APLP1: variants seen among roughly 807,000 people sequenced by gnomAD.
APLP1 encodes the protein amyloid beta precursor like protein 1, also known as amyloid beta (A4) precursor-like protein 1.
APLP1 carries 46 observed loss-of-function variants against 84.5 expected under a neutral mutation model. The observed-to-expected ratio is 0.54, with a 90% CI of 0.43 to 0.70. APLP1 has a LOEUF of 0.70. APLP1 is among the 30% of genes least tolerant of loss of function. The probability of loss-of-function intolerance (pLI) is 0.00; values close to 1 mark genes in which losing one functional copy is unlikely to be tolerated. For synonymous variants in APLP1, 376 were observed against 364.0 expected, an observed-to-expected ratio of 1.03 and a Z score of -0.38; for missense variants, 826 against 900.2, an observed-to-expected ratio of 0.92 and a Z score of 1.05.
chr19:35,876,308 T>C (rs1458559282), intron 10 of APLP1, among the ~76,000 whole-genome samples: 1 of 152,204 alleles, frequency 6.6e-6, no homozygotes, highest in Non-Finnish European at 1.5e-5. Context: ...GTCTCTGGAA[T>C]CCCCTCAAAC....
Position 35,879,193 on chromosome 19 carries a change from G to T in APLP1, c.1833G>T (p.Gly611=), listed in dbSNP as rs148829251. The T allele has an allele frequency of 2.0e-4, 325 of 1,612,906 alleles. No individual in the cohort carries two copies. The highest frequency in any genetic ancestry group is 2.7e-4 in the Non-Finnish European group (315 of 1,179,966). Residue 611 remains glycine (G), a synonymous_variant, in exon 16 of 17, where the codon GGG becomes GGT. Transcript: ENST00000221891. Reference sequence around the variant, plus strand: ...TCCTGCGCAGGAAGAAGCCCTACGGGGCTATCAGCCATGGCGTGGTGGAGG... The same window carrying T: ...TCCTGCGCAGGAAGAAGCCCTACGGTGCTATCAGCCATGGCGTGGTGGAGG... ...MLLLRRKKPY[G]AISHGVVEVD...
intron 11 of APLP1, among the ~76,000 whole-genome samples, chr19:35,876,975 T>A (rs970210354): frequency 6.6e-6 from 1 of 152,210 alleles, no homozygotes; most frequent in African/African-American, 2.4e-5. Context: ...CTAGATTCCC[T>A]ACATGGTGGT....
At chr19:35,875,740 C>T (rs552989648) in intron 10 of APLP1, among the ~76,000 whole-genome samples, 41 of 152,152 alleles carry the variant, frequency 2.7e-4, no homozygotes, top group Admixed American at 4.6e-4. Context: ...GGATTACAGG[C>T]GTGAGCCACC....
intron 12 of APLP1, 44 bp downstream of exon 12, chr19:35,877,869 G>A (rs1425146994): frequency 6.6e-7 from 1 of 1,514,006 alleles, no homozygotes; most frequent in Non-Finnish European, 9.0e-7. Context: ...TTAGGGAACA[G>A]GCCCCAGCCT....
chr19:35,868,862 G>GA lies in APLP1; in HGVS notation c.147+79_147+80insA, dbSNP rs1568472575. On this transcript the variant is annotated intron_variant, in intron 1 of 16. Transcript: ENST00000221891. This position sits in a 1 kb window ranked among gnomAD's most constrained non-coding sequence, Gnocchi z 5.2. ...GGACGCCGGCGCGGACATGTCCAGG[G>GA]CAGAAAGCGCGGTCTTTCCAGCCAG... 8.3e-6 allele frequency: 10 copies of GA among 1,211,562 alleles called. No homozygotes were observed. Among genetic ancestry groups the GA allele is most frequent in the Non-Finnish European group, 1.0e-5 (10 of 958,998 alleles). 75.1% of individuals were successfully genotyped at this position (1,211,562 alleles called of 1,614,324 possible).
At chr19:35,870,127 A>C in intron 2 of APLP1, 1 of 356,444 alleles carries the variant, frequency 2.8e-6, no homozygotes, top group Non-Finnish European at 5.1e-6. Flanking sequence ...AAGATGGGGA[A>C]AGGGGTGGAG....
At chr19:35,872,953 G>C (rs538657866) in intron 7 of APLP1, among the ~76,000 whole-genome samples, 2 of 151,450 alleles carry the variant, frequency 1.3e-5, no homozygotes, top group African/African-American at 4.9e-5. Flanking sequence ...TCTGCCTCCC[G>C]GGCTCCAGCG....
intron 1 of APLP1, 80 bp from the exon 2 acceptor site, chr19:35,869,587 C>T (rs1427190253): frequency 1.3e-6 from 2 of 1,559,068 alleles, no homozygotes; most frequent in African/African-American, 1.4e-5. Flanking sequence ...CTGGGGGTCT[C>T]GGTCCTAGGG....
intron 2 of APLP1, 154 bp from the exon 3 acceptor site, chr19:35,870,742 C>T: frequency 9.2e-7 from 1 of 1,086,452 alleles, no homozygotes; most frequent in Non-Finnish European, 1.3e-6. Context: ...CGAGATTGTA[C>T]CATTCCACTC....
chr19:35,870,751 T>C (rs1035831107), intron 2 of APLP1, 145 bp from the exon 3 acceptor site: 2 of 1,212,434 alleles, frequency 1.6e-6, no homozygotes, highest in South Asian at 1.6e-5. Context: ...ACCATTCCAC[T>C]CCAGCCTGGG....
rs191123343 is a variant in APLP1, at chr19:35,872,160, C to A, written c.850+124C>A. On this transcript the variant is annotated intron_variant, in intron 6 of 16. Coordinates refer to ENST00000221891, the MANE Select transcript of APLP1 (RefSeq NM_001024807.3). ...GAAAGGCCCAACTGAGGAGAAAAGA[C>A]GAGAGTATCTTTGGATAAAATAGAA... 4 of 1,232,936 alleles carry A rather than the reference C, an allele frequency of 3.2e-6. No homozygotes were observed. The Admixed American group carries it at 7.4e-5, about 23-fold the overall frequency. The allele number at this position is 1,232,936 out of a possible 1,614,324, so 76.4% of individuals were successfully genotyped here. A position where few individuals can be genotyped will look rare whatever the true frequency, so the allele number is the denominator to read the frequency against.
chr19:35,877,934 A>G, intron 12 of APLP1, 109 bp downstream of exon 12: 1 of 1,271,486 alleles, frequency 7.9e-7, no homozygotes, highest in Non-Finnish European at 1.1e-6. Context: ...TGACTGGGAG[A>G]GGATGAGGAG....
chr19:35,877,500 A>C (rs533496394), intron 11 of APLP1, among the ~76,000 whole-genome samples: 208 of 149,196 alleles, frequency 1.4e-3, no homozygotes, highest in Middle Eastern at 0.01. Context: ...AAAAAAAAAA[A>C]ACAAAAAAAA....
intron 10 of APLP1, among the ~76,000 whole-genome samples, chr19:35,876,223 C>T (rs1974278681): frequency 6.6e-6 from 1 of 152,140 alleles, no homozygotes; most frequent in Admixed American, 6.6e-5. Flanking sequence ...TATGAAACTC[C>T]ATTCTGTGCT....
At chr19:35,875,935 T>C (rs1215537511) in intron 10 of APLP1, among the ~76,000 whole-genome samples, 1 of 150,638 alleles carries the variant, frequency 6.6e-6, no homozygotes, top group Non-Finnish European at 1.5e-5. Flanking sequence ...CCCAATAACT[T>C]GCACCAATCT....
chr19:35,877,889 TC>T (rs1487576287), intron 12 of APLP1, 64 bp downstream of exon 12: 32 of 1,424,638 alleles, frequency 2.2e-5, no homozygotes, highest in African/African-American at 2.9e-5. Flanking sequence ...TAATTTGTAA[TC>T]CCCTAGAGTC....
intron 7 of APLP1, 132 bp downstream of exon 7, chr19:35,872,745 C>G (rs922943589): frequency 3.2e-6 from 3 of 934,450 alleles, no homozygotes; most frequent in Non-Finnish European, 4.6e-6. Context: ...CTCAACACCA[C>G]CCCCTAAGAT....
intron 2 of APLP1, 144 bp from the exon 3 acceptor site, chr19:35,870,752 C>G (rs1487268065): frequency 8.2e-7 from 1 of 1,219,452 alleles, no homozygotes; most frequent in East Asian, 2.7e-5. Context: ...CCATTCCACT[C>G]CAGCCTGGGC....
At chr19:35,872,682 G>A in intron 7 of APLP1, 69 bp downstream of exon 7, 3 of 1,529,964 alleles carry the variant, frequency 2.0e-6, no homozygotes, top group Non-Finnish European at 2.6e-6. Flanking sequence ...AATTCCTCCA[G>A]GACACATTGA....
Sources: allele counts gnomAD v4.1 joint callset (sites outside exome capture counted in the v4.1 genomes callset), GRCh38; gene constraint gnomAD v4.1.1; non-coding constraint Gnocchi (gnomAD v3.1); transcripts MANE v1.5; gene names NCBI Gene and HGNC (gene_info 2026-07-23, HGNC 2026-07-21).